GLIS3: variants seen among roughly 807,000 people sequenced by gnomAD.
GLIS3 encodes GLIS family zinc finger 3, also known as zinc finger protein GLIS3.
GLIS3 carries 53 observed loss-of-function variants against 78.6 expected under a neutral mutation model. The observed-to-expected ratio is 0.67, with a 90% CI of 0.54 to 0.85. The LOEUF (loss-of-function observed/expected upper bound fraction) is 0.85, where lower values mean the gene tolerates loss of function less well. Among genes scored for constraint, GLIS3 ranks in the 40% least tolerant of loss-of-function variants. The pLI, the probability that GLIS3 is intolerant of heterozygous loss-of-function variation, is 0.00. For synonymous variants in GLIS3, 684 were observed against 509.9 expected (o/e 1.34, Z -4.60); for missense variants, 1,703 against 1,231.1 (o/e 1.38, Z -5.74).
At chr9:4,349,832 GCCTTCAGGGTGT>G (rs1257549715), upstream of GLIS3, among the ~76,000 whole-genome samples, 1 of 152,226 alleles carries the variant, frequency 6.6e-6, no homozygotes, top group Admixed American at 6.5e-5. Context: ...AAGTCATGAA[GCCTTCAGGGTGT>G]CCTGAATTGG....
chr9:4,385,459 T>C, the GLIS3 span, among the ~76,000 whole-genome samples: 1 of 150,586 alleles, frequency 6.6e-6, no homozygotes, highest in Non-Finnish European at 1.5e-5. Flanking sequence ...AGGTCAGGAG[T>C]CCGAGACCAG....
the GLIS3 span, among the ~76,000 whole-genome samples, chr9:4,469,277 C>T: frequency 4.6e-5 from 7 of 152,250 alleles, no homozygotes; most frequent in African/African-American, 1.4e-4. Context: ...AGCTCTGCAC[C>T]AAGCAGACCT....
At chr9:3,882,585 C>A (rs1311384981) in intron 7 of GLIS3, among the ~76,000 whole-genome samples, 1 of 152,164 alleles carries the variant, frequency 6.6e-6, no homozygotes, top group South Asian at 2.1e-4. Flanking sequence ...CAGAATATGC[C>A]CTCCAGCTGT....
chr9:4,363,225 C>A, the GLIS3 span, among the ~76,000 whole-genome samples: 1 of 152,130 alleles, frequency 6.6e-6, no homozygotes, highest in African/African-American at 2.4e-5. Flanking sequence ...GAGTTCAAGA[C>A]CAGCCTGGCC....
At chr9:4,481,013 C>T in the GLIS3 span, among the ~76,000 whole-genome samples, 3 of 152,022 alleles carry the variant, frequency 2.0e-5, no homozygotes, top group Non-Finnish European at 4.4e-5. Context: ...CACCACCACA[C>T]CTGGCTAATT....
chr9:4,163,948 G>A (rs967027207), intron 2 of GLIS3, among the ~76,000 whole-genome samples: 3 of 152,180 alleles, frequency 2.0e-5, no homozygotes, highest in African/African-American at 7.2e-5. Context: ...CTGGCTATAA[G>A]CCCTCATTCA....
chr9:4,312,317 G>A (rs1451529054), intron 2 of GLIS3, among the ~76,000 whole-genome samples: 1 of 152,044 alleles, frequency 6.6e-6, no homozygotes, highest in Non-Finnish European at 1.5e-5. Context: ...AAAATACAAA[G>A]AAGAGCCAGG....
intron 4 of GLIS3, among the ~76,000 whole-genome samples, chr9:4,016,105 C>G (rs895102184): frequency 6.6e-6 from 1 of 152,084 alleles, no homozygotes; most frequent in Non-Finnish European, 1.5e-5. Context: ...CATAAGTCAT[C>G]AAATGGTAAT....
At chr9:4,020,147 A>G (rs1316658062) in intron 4 of GLIS3, among the ~76,000 whole-genome samples, 1 of 152,176 alleles carries the variant, frequency 6.6e-6, no homozygotes, top group East Asian at 1.9e-4. Flanking sequence ...AGTGGGTAAC[A>G]GGAGAAGAGA....
the GLIS3 span, among the ~76,000 whole-genome samples, chr9:4,356,671 G>T: frequency 1.1e-4 from 16 of 152,292 alleles, no homozygotes; most frequent in African/African-American, 2.4e-4. Flanking sequence ...AAGAGTATGT[G>T]ATCAAAGACT....
chr9:4,020,897 AC>A (rs930274179), intron 4 of GLIS3, among the ~76,000 whole-genome samples: 1 of 152,184 alleles, frequency 6.6e-6, no homozygotes, highest in Non-Finnish European at 1.5e-5. Context: ...AGTAACACTC[AC>A]CACAAATCAA....
intron 4 of GLIS3, among the ~76,000 whole-genome samples, chr9:4,102,321 G>A (rs1290074093): frequency 7.9e-5 from 12 of 152,176 alleles, no homozygotes; most frequent in Admixed American, 7.9e-4. Flanking sequence ...TGAGGCTGGG[G>A]AAGCGGCTAA....
rs369315181 is a variant in GLIS3 at position 4,185,403 on chromosome 9, G to A, written c.389-59462C>T. On this transcript the variant is annotated intron_variant, in intron 2 of 10. Coordinates refer to ENST00000381971, the MANE Select transcript of GLIS3 (RefSeq NM_001042413.2). The stretch of plus-strand genomic sequence containing the variant: ...TCTATTTTGGGCTATTATAAAGAAT[G>A]CTGCCATGAACATTCACATGCATGT... 2.0e-5 allele frequency among the ~76,000 whole-genome samples: 3 copies of A among 152,268 alleles called. No individual in the cohort carries two copies. In the East Asian group the frequency reaches 5.8e-4, roughly 29 times the overall value.
chr9:4,214,073 C>G (rs538324959), intron 2 of GLIS3, among the ~76,000 whole-genome samples: 3 of 152,282 alleles, frequency 2.0e-5, no homozygotes, highest in East Asian at 1.9e-4. Flanking sequence ...CCTCATCTCA[C>G]TCATAGCCTT....
intron 4 of GLIS3, among the ~76,000 whole-genome samples, chr9:4,077,346 G>A (rs1588616657): frequency 6.6e-6 from 1 of 152,174 alleles, no homozygotes; most frequent in Non-Finnish European, 1.5e-5. Flanking sequence ...ATTTAAAAGA[G>A]ATGCTGAGAA....
Position 4,299,923 on chromosome 9 carries a change from G to C in GLIS3, c.-601C>G, listed in dbSNP as rs916149435. 1 of 152,122 alleles carries C rather than the reference G, an allele frequency of 6.6e-6. No individual in the cohort carries two copies. The highest frequency in any genetic ancestry group is 2.4e-5 in the African/African-American group (1 of 41,422). The allele number at this position is 152,122 out of a possible 1,614,324, so 9.4% of individuals were successfully genotyped here. A position where few individuals can be genotyped will look rare whatever the true frequency, so the allele number is the denominator to read the frequency against. On this transcript the variant is annotated 5_prime_UTR_variant, in exon 1 of 11. Transcript: ENST00000381971. The stretch of plus-strand genomic sequence containing the variant: ...CGGCGTACAGGGGGTCCCGGGAGGG[G>C]CAGTGGCCGCGGCACTCGCCGCCGG...
chr9:3,935,426 T>C (rs1361680127), intron 5 of GLIS3, among the ~76,000 whole-genome samples: 1 of 152,118 alleles, frequency 6.6e-6, no homozygotes, highest in African/African-American at 2.4e-5. Flanking sequence ...TCCTCAAAAG[T>C]TTTTTAAAAA....
At chr9:3,883,233 A>T (rs1341609613) in intron 7 of GLIS3, among the ~76,000 whole-genome samples, 2 of 152,136 alleles carry the variant, frequency 1.3e-5, no homozygotes, top group Non-Finnish European at 2.9e-5. Flanking sequence ...TATCACAGTC[A>T]TGCATCCAGA....
Position 4,241,814 on chromosome 9 carries a change from G to T in GLIS3, c.388+44224C>A, listed in dbSNP as rs1480035768. 6.6e-5 allele frequency among the ~76,000 whole-genome samples: 10 copies of T among 152,084 alleles called. No individual in the cohort carries two copies. In the East Asian group the frequency reaches 1.9e-3, roughly 30 times the overall value. Reference sequence around the variant, plus strand: ...TCTCATTTCTCAGCCTCCCAAGTAGGTGTGATTACAGGCACGTACCACCAT... The same window carrying T: ...TCTCATTTCTCAGCCTCCCAAGTAGTTGTGATTACAGGCACGTACCACCAT... On this transcript the variant is annotated intron_variant, in intron 2 of 10. Transcript: ENST00000381971.
Sources: gnomAD v4.1 joint callset for allele counts (sites outside exome capture counted in the v4.1 genomes callset) on GRCh38, gnomAD v4.1.1 for gene constraint, MANE v1.5 for transcripts, NCBI Gene and HGNC (gene_info 2026-07-23, HGNC 2026-07-21) for gene names.